Variants in SCAF8 observed in about 807,000 individuals in gnomAD.
SCAF8 encodes SR-related CTD associated factor 8.
In SCAF8, 23 loss-of-function variants were observed where a neutral mutation model predicts 140.5. That is an observed-to-expected ratio of 0.16 (90% CI 0.12 to 0.23). The LOEUF (loss-of-function observed/expected upper bound fraction) is 0.23. Among genes scored for constraint, SCAF8 ranks in the 10% least tolerant of loss-of-function variants. SCAF8 has a pLI of 1.00. For missense variants in SCAF8, 1,397 were observed against 1,555.7 expected, an observed-to-expected ratio of 0.90 and a Z score of 1.72; for synonymous variants, 575 against 528.9, an observed-to-expected ratio of 1.09 and a Z score of -1.20.
intron 1 of SCAF8, among the ~76,000 whole-genome samples, chr6:154,773,517 G>T (rs527337261): frequency 6.6e-6 from 1 of 152,132 alleles, no homozygotes; most frequent in Non-Finnish European, 1.5e-5. Context: ...CAATGACCAC[G>T]TGTACAGGTT....
At position 154,767,529 on chromosome 6, in the gene SCAF8, C is replaced by CTT. The variant is rs71021076; in HGVS notation, c.31-6434_31-6433dup. Among the ~76,000 whole-genome samples, 18 of 91,022 alleles carry CTT rather than the reference C, an allele frequency of 2.0e-4. 1 individual carries two copies. Among genetic ancestry groups the CTT allele is most frequent in the Admixed American group, 3.8e-4 (3 of 7,812 alleles). 59.7% of individuals were successfully genotyped at this position (91,022 alleles called of 152,430 possible). A position where few individuals can be genotyped will look rare whatever the true frequency, so the allele number is the denominator to read the frequency against. ...TGGCAGAAGCTGCTGCTTCTGTTAT[C>CTT]TTTTTTTTTTTTTTTTTTTTTTTTT... On this transcript the variant is annotated intron_variant, in intron 1 of 19. Transcript: ENST00000367178.
In SCAF8 at chr6:154,832,476, C is replaced by T. The variant is rs763612022; in HGVS notation, c.2897C>T (p.Pro966Leu). Reference protein sequence around the residue: ...SVLDSALHPPPRGPFPPGDIF... With the variant: ...SVLDSALHPPLRGPFPPGDIF... ...CTTGATTCAGCTCTTCATCCACCACCCCGTGGACCTTTTCCTCCAGGAGAT... is the reference window on the plus strand; with the variant it reads ...CTTGATTCAGCTCTTCATCCACCACTCCGTGGACCTTTTCCTCCAGGAGAT... Residue 966 changes from proline to leucine, a missense_variant, in exon 20 of 20, where the codon CCC becomes CTC. This residue lies in a region of SCAF8 where 930 missense variants were observed against 874.6 expected (regional missense o/e 1.06). Transcript: ENST00000367178. 9.3e-6 allele frequency: 15 copies of T among 1,613,870 alleles called. No individual in the cohort carries two copies. Among genetic ancestry groups the T allele is most frequent in the African/African-American group, 1.3e-5 (1 of 74,894 alleles).
At chr6:154,822,624 G>T (rs561357880) in intron 16 of SCAF8, among the ~76,000 whole-genome samples, 112 of 152,180 alleles carry the variant, frequency 7.4e-4, no homozygotes, top group African/African-American at 2.6e-3. Context: ...TAAAATAAAG[G>T]TAAATATGGA....
chr6:154,754,740 CTCT>C (rs1298178442), intron 1 of SCAF8, among the ~76,000 whole-genome samples: 13 of 152,258 alleles, frequency 8.5e-5, no homozygotes, highest in East Asian at 3.9e-4. Context: ...GCCTTGTAGG[CTCT>C]TCTTCTACTT....
chr6:154,805,940 A>T (rs1373287021), intron 9 of SCAF8, among the ~76,000 whole-genome samples: 4 of 152,170 alleles, frequency 2.6e-5, no homozygotes, highest in Non-Finnish European at 5.9e-5. Context: ...TGCTGTTAGC[A>T]TGTAGCAGGA....
At chr6:154,813,893 G>A (rs1778167868) in intron 12 of SCAF8, among the ~76,000 whole-genome samples, 1 of 152,194 alleles carries the variant, frequency 6.6e-6, no homozygotes, top group Admixed American at 6.5e-5. Flanking sequence ...CAGGCAGCTT[G>A]TAGAACCTAG....
At chr6:154,740,104 AC>A (rs1778529159) in intron 1 of SCAF8, among the ~76,000 whole-genome samples, 1 of 151,948 alleles carries the variant, frequency 6.6e-6, no homozygotes, top group African/African-American at 2.4e-5. Context: ...TTTTCTTTTT[AC>A]CTTGTGAAAG....
intron 14 of SCAF8, among the ~76,000 whole-genome samples, chr6:154,819,618 C>T (rs533738324): frequency 4.8e-4 from 72 of 151,256 alleles, no homozygotes; most frequent in African/African-American, 1.7e-3. Flanking sequence ...CTATTCTAAT[C>T]ACCCCTCATG....
At position 154,801,953 on chromosome 6, in the gene SCAF8, A is replaced by G. The variant is rs200701788; in HGVS notation, c.607-18A>G. On this transcript the variant is annotated intron_variant, in intron 6 of 19. Transcript: ENST00000367178. ...AAACCCAACACCTGTTTTGTAATAT[A>G]TATTTTTTTCTCTCCAGCTTCAACA... The G allele has an allele frequency of 2.7e-5, 41 of 1,544,266 alleles. No homozygotes were observed. In the East Asian group the frequency reaches 5.6e-4, roughly 21 times the overall value.
At chr6:154,742,375 T>G (rs1020780942) in intron 1 of SCAF8, among the ~76,000 whole-genome samples, 2 of 152,210 alleles carry the variant, frequency 1.3e-5, no homozygotes, top group Non-Finnish European at 2.9e-5. Flanking sequence ...TTTGAAGAAT[T>G]TCTTTGAACT....
chr6:154,824,033 A>G (rs1778493613), intron 16 of SCAF8, among the ~76,000 whole-genome samples: 1 of 152,138 alleles, frequency 6.6e-6, no homozygotes, highest in African/African-American at 2.4e-5. Flanking sequence ...ATAATCTCCA[A>G]GTAAAAACTA....
chr6:154,771,877 T>C (rs1203940362), intron 1 of SCAF8, among the ~76,000 whole-genome samples: 1 of 151,916 alleles, frequency 6.6e-6, no homozygotes, highest in Non-Finnish European at 1.5e-5. Context: ...AATTCTAAAA[T>C]AGAAGTTGGG....
intron 3 of SCAF8, among the ~76,000 whole-genome samples, chr6:154,786,836 T>C (rs1284907421): frequency 6.6e-6 from 1 of 152,240 alleles, no homozygotes; most frequent in African/African-American, 2.4e-5. Flanking sequence ...AGTTGATGAC[T>C]TAGCCAAGTT....
intron 2 of SCAF8, among the ~76,000 whole-genome samples, chr6:154,774,919 T>G (rs1364938761): frequency 3.3e-5 from 5 of 152,230 alleles, no homozygotes. Context: ...TAAGATTCCC[T>G]GAATTAGTAG....
chr6:154,832,820 C>T lies in SCAF8; in HGVS notation c.3241C>T (p.Arg1081Ter). 6.2e-7 allele frequency: 1 copy of T among 1,613,762 alleles called. No individual in the cohort carries two copies. The highest frequency in any genetic ancestry group is 8.5e-7 in the Non-Finnish European group (1 of 1,179,960). Residue 1081 changes from arginine (R) to a stop codon, truncating the protein, a stop_gained, in exon 20 of 20, where the codon CGA becomes TGA. Coordinates refer to ENST00000367178, the MANE Select transcript of SCAF8 (RefSeq NM_014892.5). LOFTEE classifies it high-confidence loss of function. ...LVRPGIDHLG[R>*]RDHFGFNPEK... ...GAGGCCAGGTATAGATCATCTTGGT[C>T]GAAGAGACCACTTTGGCTTTAATCC...
At chr6:154,742,466 TTG>T (rs1313952268) in intron 1 of SCAF8, among the ~76,000 whole-genome samples, 2 of 152,162 alleles carry the variant, frequency 1.3e-5, no homozygotes, top group Non-Finnish European at 2.9e-5. Flanking sequence ...AGGCAGCAGA[TTG>T]TGGTAGAGGT....
At chr6:154,739,521 C>T (rs145801208) in intron 1 of SCAF8, among the ~76,000 whole-genome samples, 41 of 152,108 alleles carry the variant, frequency 2.7e-4, no homozygotes, top group African/African-American at 8.9e-4. Flanking sequence ...GATGTAGGAC[C>T]GGATATGTAG....
chr6:154,830,773 T>C, intron 18 of SCAF8, 149 bp from the exon 19 acceptor site: 1 of 498,030 alleles, frequency 2.0e-6, no homozygotes, highest in African/African-American at 2.0e-5. Context: ...CTATTCATGA[T>C]GACTCCTTTT....
At chr6:154,784,149 A>ATT (rs1777179004) in intron 3 of SCAF8, among the ~76,000 whole-genome samples, 1 of 100,734 alleles carries the variant, frequency 9.9e-6, no homozygotes, top group African/African-American at 4.6e-5. Flanking sequence ...ATATATATAT[A>ATT]TATATATATT....
Sources: allele counts gnomAD v4.1 joint callset (sites outside exome capture counted in the v4.1 genomes callset), GRCh38; gene constraint gnomAD v4.1.1; regional missense constraint gnomAD v4.1.1; transcripts MANE v1.5; gene names NCBI Gene and HGNC (gene_info 2026-07-23, HGNC 2026-07-21).